DNAJB5: variants seen among roughly 807,000 people sequenced by gnomAD.
The protein encoded by DNAJB5 is dnaJ homolog subfamily B member 5.
Under a neutral mutation model 32.6 loss-of-function variants are expected in DNAJB5, and 12 were observed. The observed-to-expected ratio is 0.37, with a 90% confidence interval of 0.24 to 0.60. DNAJB5 has a LOEUF of 0.60. Ranked by LOEUF, DNAJB5 falls within the 20% of genes least tolerant of loss-of-function variation. DNAJB5 has a pLI of 0.71. For missense variants in DNAJB5, 358 were observed against 554.2 expected (o/e 0.65, Z 3.55); for synonymous variants, 188 against 212.9 (o/e 0.88, Z 1.02).
Position 34,997,463 on chromosome 9 carries a change from G to A in DNAJB5, c.*204G>A. On this transcript the variant is annotated 3_prime_UTR_variant, in exon 5 of 5. Coordinates refer to ENST00000682809, the MANE Select transcript of DNAJB5 (RefSeq NM_001349723.3). The surrounding 1 kb of genome is among the most constrained non-coding windows in gnomAD (Gnocchi z 4.1). ...GGGGGGAGTGGGAGGGAGGTGGGGAGAGCTAGCCCAGGCCAGGGGTCAATG... is the reference window on the plus strand; with the variant it reads ...GGGGGGAGTGGGAGGGAGGTGGGGAAAGCTAGCCCAGGCCAGGGGTCAATG... The A allele has an allele frequency of 1.4e-6, 1 of 703,560 alleles. No individual in the cohort carries two copies. The highest frequency in any genetic ancestry group is 2.6e-6 in the Non-Finnish European group (1 of 389,196). 43.6% of individuals were successfully genotyped at this position (703,560 alleles called of 1,614,324 possible).
chr9:34,994,037 A>G (rs1355960051), intron 3 of DNAJB5, among the ~76,000 whole-genome samples: 2 of 152,244 alleles, frequency 1.3e-5, no homozygotes, highest in East Asian at 3.9e-4. Flanking sequence ...GCTGGTGGCC[A>G]TGGGGTGGGA....
At position 34,997,094 on chromosome 9, in the gene DNAJB5, T is replaced by C; in HGVS notation, c.1098T>C (p.Asp366=). 1 of 1,614,184 alleles carries C rather than the reference T, an allele frequency of 6.2e-7. No individual in the cohort carries two copies. Among genetic ancestry groups the C allele is most frequent in the Non-Finnish European group, 8.5e-7 (1 of 1,180,036 alleles). The change falls in exon 5 of 5, where the codon GAT becomes GAC. Residue 366 remains aspartate (D), a synonymous_variant. Coordinates refer to ENST00000682809, the MANE Select transcript of DNAJB5 (RefSeq NM_001349723.3). This position sits in a 1 kb window ranked among gnomAD's most constrained non-coding sequence, Gnocchi z 4.1. ...DGRVIPLPCN[D]VIKPGTVKRL... Reference sequence around the variant, plus strand: ...GAGTGATCCCTTTGCCCTGCAATGATGTCATCAAGCCAGGCACCGTGAAGA... The same window carrying C: ...GAGTGATCCCTTTGCCCTGCAATGACGTCATCAAGCCAGGCACCGTGAAGA...
In DNAJB5 at chr9:34,991,677, C is replaced by CCA. The variant is rs1554662750; in HGVS notation, c.182+866_182+867insAC. On this transcript the variant is annotated intron_variant, in intron 2 of 4. Coordinates refer to ENST00000682809, the MANE Select transcript of DNAJB5 (RefSeq NM_001349723.3). ...ATTTCCGAAAACGGTTGCCCCCCCC[C>CCA]CCAACGAGGTGCTCTTTCTTCTCTG... 32 of 261,100 alleles carry CCA rather than the reference C, an allele frequency of 1.2e-4. 1 individual carries two copies. Among genetic ancestry groups the CCA allele is most frequent in the Admixed American group, 5.1e-4 (10 of 19,562 alleles). 16.2% of individuals were successfully genotyped at this position (261,100 alleles called of 1,614,324 possible).
Position 34,997,823 on chromosome 9 carries a change from T to C in DNAJB5, c.*564T>C, listed in dbSNP as rs1028318254. The C allele has an allele frequency of 1.8e-4, 38 of 213,350 alleles. No individual in the cohort carries two copies. The highest frequency in any genetic ancestry group is 5.8e-4 in the Admixed American group (11 of 19,106). 13.2% of individuals were successfully genotyped at this position (213,350 alleles called of 1,614,324 possible). A position where few individuals can be genotyped will look rare whatever the true frequency, so the allele number is the denominator to read the frequency against. The stretch of plus-strand genomic sequence containing the variant: ...GGATAAGAAGGGAAAGTTCACAACC[T>C]GTGAACAGGGACTTGAGCACGAGAC... On this transcript the variant is annotated 3_prime_UTR_variant, in exon 5 of 5. Transcript: ENST00000682809. The surrounding 1 kb of genome is among the most constrained non-coding windows in gnomAD (Gnocchi z 4.1).
chr9:34,990,617 G>C lies in DNAJB5; in HGVS notation c.-14G>C, dbSNP rs1398754079. 1.0e-5 allele frequency: 16 copies of C among 1,551,450 alleles called. No homozygotes were observed. Among genetic ancestry groups the C allele is most frequent in the Non-Finnish European group, 1.0e-5 (12 of 1,146,898 alleles). On this transcript the variant is annotated 5_prime_UTR_variant, in exon 2 of 5. Transcript: ENST00000682809. The surrounding 1 kb of genome is among the most constrained non-coding windows in gnomAD (Gnocchi z 4.5). Reference sequence around the variant, plus strand: ...CTCCGGTGGAGCGATCAGAGGTGAGGGGCTTGGCTGGGCATGTTTAAGCGC... The same window carrying C: ...CTCCGGTGGAGCGATCAGAGGTGAGCGGCTTGGCTGGGCATGTTTAAGCGC...
At chr9:34,992,849 G>A (rs1827691576) in intron 2 of DNAJB5, 1 of 1,095,366 alleles carries the variant, frequency 9.1e-7, no homozygotes, top group Non-Finnish European at 1.1e-6. Context: ...GCTCCTGTGT[G>A]TGGGTCGCTC....
chr9:34,990,833 G>GC lies in DNAJB5; in HGVS notation c.182+22dup. 6.5e-7 allele frequency: 1 copy of GC among 1,540,628 alleles called. No individual in the cohort carries two copies. The highest frequency in any genetic ancestry group is 8.8e-7 in the Non-Finnish European group (1 of 1,141,922). ...TTTCGGTAAGTCCCTCCGGAGAAGG[G>GC]CACTCACACCCATACCCAGTCAAAC... On this transcript the variant is annotated intron_variant, in intron 2 of 4. Transcript: ENST00000682809. This position sits in a 1 kb window ranked among gnomAD's most constrained non-coding sequence, Gnocchi z 4.5.
In DNAJB5 at chr9:34,990,827, A is replaced by C; in HGVS notation, c.182+15A>C. On this transcript the variant is annotated intron_variant, in intron 2 of 4. Transcript: ENST00000682809. This position sits in a 1 kb window ranked among gnomAD's most constrained non-coding sequence, Gnocchi z 4.5. ...GTAAAGTTTCGGTAAGTCCCTCCGG[A>C]GAAGGGCACTCACACCCATACCCAG... 1 of 1,543,968 alleles carries C rather than the reference A, an allele frequency of 6.5e-7. No homozygotes were observed. Among genetic ancestry groups the C allele is most frequent in the Non-Finnish European group, 8.7e-7 (1 of 1,143,400 alleles).
In DNAJB5 at chr9:34,990,055, G is replaced by A. The variant is rs1827578194; in HGVS notation, c.-133+224G>A. On this transcript the variant is annotated intron_variant, in intron 1 of 4. Coordinates refer to ENST00000682809, the MANE Select transcript of DNAJB5 (RefSeq NM_001349723.3). This position sits in a 1 kb window ranked among gnomAD's most constrained non-coding sequence, Gnocchi z 4.5. ...GGAGGGGAGGGGAGGGGAGGGTCGA[G>A]TCGGACCGGACCAGATTGGGTTCTG... 6.6e-6 allele frequency among the ~76,000 whole-genome samples: 1 copy of A among 151,980 alleles called. No individual in the cohort carries two copies. The highest frequency in any genetic ancestry group is 2.4e-5 in the African/African-American group (1 of 41,390).
At chr9:34,989,906 G>A in intron 1 of DNAJB5, 75 bp downstream of exon 1, 2 of 1,249,592 alleles carry the variant, frequency 1.6e-6, no homozygotes, top group Non-Finnish European at 2.0e-6. Context: ...GTGTTGGGGG[G>A]TTGGGACACT....
Position 34,993,540 on chromosome 9 carries a change from AG to A in DNAJB5, c.427+101del. 1.3e-6 allele frequency: 2 copies of A among 1,492,162 alleles called. No individual in the cohort carries two copies. The highest frequency in any genetic ancestry group is 1.8e-6 in the Non-Finnish European group (2 of 1,114,060). 92.4% of individuals were successfully genotyped at this position (1,492,162 alleles called of 1,614,324 possible). ...TGTAGCGGGGAACTGGAGGCTGTGGAGGGGGTGAGGGCAGCAAGGGTTTCCA... is the reference window on the plus strand; with the variant it reads ...TGTAGCGGGGAACTGGAGGCTGTGGAGGGGTGAGGGCAGCAAGGGTTTCCA... On this transcript the variant is annotated intron_variant, in intron 3 of 4. Coordinates refer to ENST00000682809, the MANE Select transcript of DNAJB5 (RefSeq NM_001349723.3). This position sits in a 1 kb window ranked among gnomAD's most constrained non-coding sequence, Gnocchi z 4.7.
chr9:34,996,445 T>C lies in DNAJB5; in HGVS notation c.608T>C (p.Val203Ala). The change falls in exon 4 of 5, where the codon GTG (valine) becomes GCG (alanine). Residue 203 changes from valine (V) to alanine (A), a missense_variant. This residue lies in a region of DNAJB5 where 248 missense variants were observed against 442.6 expected (regional missense o/e 0.56). Coordinates refer to ENST00000682809, the MANE Select transcript of DNAJB5 (RefSeq NM_001349723.3). The surrounding 1 kb of genome is among the most constrained non-coding windows in gnomAD (Gnocchi z 7.2). Reference protein sequence around the residue: ...FSGFDPDDMDVDEDEDPFGAF... With the variant: ...FSGFDPDDMDADEDEDPFGAF... ...GGCTTTGACCCAGATGACATGGATG[T>C]GGATGAAGATGAGGACCCATTTGGC... is the stretch of plus-strand genomic sequence containing the variant. 2 of 1,614,122 alleles carry C rather than the reference T, an allele frequency of 1.2e-6. No homozygotes were observed. The highest frequency in any genetic ancestry group is 1.7e-6 in the Non-Finnish European group (2 of 1,180,014).
Position 34,996,434 on chromosome 9 carries a change from T to A in DNAJB5, c.597T>A (p.Asp199Glu). The change falls in exon 4 of 5, where the codon GAT becomes GAA. Residue 199 changes from aspartate to glutamate, a missense_variant. By Grantham distance (45) the Asp-to-Glu change is conservative. Around this residue, in one of 2 missense-constraint regions of DNAJB5, gnomAD observed 248 missense variants for 442.6 expected, o/e 0.56. Transcript: ENST00000682809. The surrounding 1 kb of genome is among the most constrained non-coding windows in gnomAD (Gnocchi z 7.2). ...GGCCCTTCAGTGGCTTTGACCCAGA[T>A]GACATGGATGTGGATGAAGATGAGG... ...STRPFSGFDP[D>E]DMDVDEDEDP... 1 of 1,614,176 alleles carries A rather than the reference T, an allele frequency of 6.2e-7. No homozygotes were observed. Among genetic ancestry groups the A allele is most frequent in the Non-Finnish European group, 8.5e-7 (1 of 1,180,014 alleles).
Position 34,990,962 on chromosome 9 carries a change from G to T in DNAJB5, c.182+150G>T. 2 of 742,428 alleles carry T rather than the reference G, an allele frequency of 2.7e-6. No individual in the cohort carries two copies. The highest frequency in any genetic ancestry group is 4.3e-6 in the Non-Finnish European group (2 of 466,322). 46.0% of individuals were successfully genotyped at this position (742,428 alleles called of 1,614,324 possible). ...CCCCTCCGGCCTCACCCACATATTT[G>T]AATGAATTGCACCCCTTATCATTCC... On this transcript the variant is annotated intron_variant, in intron 2 of 4. Coordinates refer to ENST00000682809, the MANE Select transcript of DNAJB5 (RefSeq NM_001349723.3). This position sits in a 1 kb window ranked among gnomAD's most constrained non-coding sequence, Gnocchi z 4.5.
In DNAJB5 at chr9:34,990,886, C is replaced by A; in HGVS notation, c.182+74C>A. On this transcript the variant is annotated intron_variant, in intron 2 of 4. Transcript: ENST00000682809. The surrounding 1 kb of genome is among the most constrained non-coding windows in gnomAD (Gnocchi z 4.5). ...TCCACGCGGCCATCCCCTCCATTGC[C>A]TTCCTGCTTCCTCCAACTCATCCTC... The A allele has an allele frequency of 7.0e-7, 1 of 1,429,068 alleles. No homozygotes were observed. Among genetic ancestry groups the A allele is most frequent in the Non-Finnish European group, 9.4e-7 (1 of 1,066,550 alleles). The allele number at this position is 1,429,068 out of a possible 1,614,324, so 88.5% of individuals were successfully genotyped here. A position where few individuals can be genotyped will look rare whatever the true frequency, so the allele number is the denominator to read the frequency against.
Position 34,997,364 on chromosome 9 carries a change from T to C in DNAJB5, c.*105T>C, listed in dbSNP as rs1465862475. The C allele has an allele frequency of 3.2e-6, 4 of 1,245,840 alleles. No individual in the cohort carries two copies. Among genetic ancestry groups the C allele is most frequent in the Non-Finnish European group, 4.7e-6 (4 of 856,592 alleles). The allele number at this position is 1,245,840 out of a possible 1,614,324, so 77.2% of individuals were successfully genotyped here. ...TCCACTGGACACTGGCAACTTTTTC[T>C]AAAATGCAAAAAAAAGCCACTGGTT... On this transcript the variant is annotated 3_prime_UTR_variant, in exon 5 of 5. Transcript: ENST00000682809. This position sits in a 1 kb window ranked among gnomAD's most constrained non-coding sequence, Gnocchi z 4.1.
chr9:34,989,831 G>GGT lies in DNAJB5; in HGVS notation c.-133+2_-133+3dup. The stretch of plus-strand genomic sequence containing the variant: ...ACGGCGGCGCCCGCAGCTCCTCACC[G>GGT]GTGAGGGCGCCAAGCCAGGACTCGG... On this transcript the variant is annotated splice_region_variant and 5_prime_UTR_variant. Coordinates refer to ENST00000682809, the MANE Select transcript of DNAJB5 (RefSeq NM_001349723.3). The GGT allele has an allele frequency of 8.1e-7, 1 of 1,233,924 alleles. No individual in the cohort carries two copies. Among genetic ancestry groups the GGT allele is most frequent in the Non-Finnish European group, 1.0e-6 (1 of 989,138 alleles). 76.4% of individuals were successfully genotyped at this position (1,233,924 alleles called of 1,614,324 possible).
rs536002468 is a variant in DNAJB5, at chr9:34,996,347, T to C, written c.510T>C (p.Phe170=). The C allele has an allele frequency of 3.6e-5, 58 of 1,614,184 alleles. No homozygotes were observed. In the South Asian group the frequency reaches 6.1e-4, roughly 17 times the overall value. The change falls in exon 4 of 5, where the codon TTT becomes TTC. Residue 170 remains phenylalanine (F), a synonymous_variant. Coordinates refer to ENST00000682809, the MANE Select transcript of DNAJB5 (RefSeq NM_001349723.3). The surrounding 1 kb of genome is among the most constrained non-coding windows in gnomAD (Gnocchi z 7.2). ...YTFHGDPHAT[F]ASFFGGSNPF... The stretch of plus-strand genomic sequence containing the variant: ...TTCATGGGGACCCCCATGCCACCTT[T>C]GCCTCCTTCTTTGGTGGCTCCAACC...
intron 2 of DNAJB5, chr9:34,991,321 G>A (rs971347687): frequency 8.8e-6 from 4 of 456,354 alleles, no homozygotes; most frequent in African/African-American, 8.0e-5. Context: ...AGGGAAGGAG[G>A]GAGGAAAGCA....
Sources: gnomAD v4.1 joint callset for allele counts (sites outside exome capture counted in the v4.1 genomes callset) on GRCh38, gnomAD v4.1.1 for gene constraint, gnomAD v4.1.1 regional missense constraint, Gnocchi (gnomAD v3.1) non-coding constraint, MANE v1.5 for transcripts, NCBI Gene and HGNC (gene_info 2026-07-23, HGNC 2026-07-21) for gene names.